The following EPHA4 variants were observed in gnomAD, a reference collection of about 807,000 sequenced individuals.
EPHA4 encodes the protein ephrin type-A receptor 4.
Under a neutral mutation model 108.3 loss-of-function variants are expected in EPHA4, and 19 were observed. The ratio of observed to expected loss-of-function variants is 0.18; its 90% CI spans 0.12 to 0.26. EPHA4 has a LOEUF of 0.26. EPHA4 is among the 10% of genes least tolerant of loss of function. EPHA4 has a pLI of 1.00. For synonymous variants in EPHA4, 449 were observed against 455.5 expected (o/e 0.99, Z 0.18); for missense variants, 917 against 1,254.0 (o/e 0.73, Z 4.06).
intron 3 of EPHA4, among the ~76,000 whole-genome samples, chr2:221,525,939 T>TA (rs1255717749): frequency 2.0e-5 from 3 of 152,006 alleles, no homozygotes; most frequent in Non-Finnish European, 4.4e-5. Flanking sequence ...ATTTTCTAGA[T>TA]AAAAAAAATT....
At chr2:221,454,087 G>C (rs1442591902) in intron 8 of EPHA4, among the ~76,000 whole-genome samples, 2 of 152,116 alleles carry the variant, frequency 1.3e-5, no homozygotes, top group Non-Finnish European at 2.9e-5. Flanking sequence ...GGGTGAGACA[G>C]GAGAATTGCT....
intron 3 of EPHA4, among the ~76,000 whole-genome samples, chr2:221,537,384 C>G (rs2680852): frequency 0.56 from 85,893 of 152,142 alleles, 24,992 homozygotes; most frequent in African/African-American, 0.7. Flanking sequence ...CCAATATTAC[C>G]CAGTATGGCT....
chr2:221,511,248 T>A (rs1692818961), intron 3 of EPHA4, among the ~76,000 whole-genome samples: 1 of 152,260 alleles, frequency 6.6e-6, no homozygotes, highest in Non-Finnish European at 1.5e-5. Context: ...TCAGAACGAC[T>A]CTGTACTTCT....
intron 3 of EPHA4, among the ~76,000 whole-genome samples, chr2:221,523,005 C>T (rs75016143): frequency 0.026 from 3,979 of 152,102 alleles, 112 homozygotes; most frequent in Admixed American, 0.072. Flanking sequence ...TCAGGTGATC[C>T]GCCTGCGTCG....
Position 221,448,004 on chromosome 2 carries a change from G to A in EPHA4, c.1716-1823C>T, listed in dbSNP as rs13411305. 4.2e-3 allele frequency among the ~76,000 whole-genome samples: 637 copies of A among 151,878 alleles called. 4 individuals are homozygous for A. Among genetic ancestry groups the A allele is most frequent in the African/African-American group, 0.014 (573 of 41,394 alleles). ...TTATAGGCACCCGCCACCCATGCTCGGCTAATTTTGTATTTTTAGTAGAGC... is the reference window on the plus strand; with the variant it reads ...TTATAGGCACCCGCCACCCATGCTCAGCTAATTTTGTATTTTTAGTAGAGC... On this transcript the variant is annotated intron_variant, in intron 8 of 17. Transcript: ENST00000281821.
At chr2:221,570,008 G>A (rs1574669142) in intron 1 of EPHA4, among the ~76,000 whole-genome samples, 1 of 101,944 alleles carries the variant, frequency 9.8e-6, no homozygotes, top group Non-Finnish European at 2.0e-5. Flanking sequence ...TCTCCCCACC[G>A]CCAACCCCCA....
At chr2:221,511,674 A>G (rs1457754966) in intron 3 of EPHA4, among the ~76,000 whole-genome samples, 1 of 152,238 alleles carries the variant, frequency 6.6e-6, no homozygotes, top group Non-Finnish European at 1.5e-5. Flanking sequence ...GAAGTTGCTA[A>G]TAGGAATTTT....
At chr2:221,515,764 C>A (rs1342094858) in intron 3 of EPHA4, among the ~76,000 whole-genome samples, 1 of 152,134 alleles carries the variant, frequency 6.6e-6, no homozygotes, top group Non-Finnish European at 1.5e-5. Context: ...CCTCAGTGAG[C>A]CGTGATTGTG....
intron 5 of EPHA4, among the ~76,000 whole-genome samples, chr2:221,473,060 A>G (rs567736894): frequency 1.6e-4 from 24 of 152,252 alleles, no homozygotes; most frequent in Admixed American, 1.2e-3. Flanking sequence ...ACATTTCCCA[A>G]TGAGGAAGCC....
Position 221,501,044 on chromosome 2 carries a change from T to C in EPHA4, c.952A>G (p.Asn318Asp), listed in dbSNP as rs1692472259. The C allele has an allele frequency of 6.2e-7, 1 of 1,612,490 alleles. No individual in the cohort carries two copies. Among genetic ancestry groups the C allele is most frequent in the African/African-American group, 1.3e-5 (1 of 74,856 alleles). The part of the protein sequence containing the change: ...TCDRGFFRAD[N>D]DAASMPCTRP... ...GTGCAGGGCATAGAGGCAGCATCGT[T>C]GTCAGCTCTGAAAAAGCCTCGGTCA... Residue 318 changes from asparagine (N) to aspartate (D), a missense_variant, in exon 4 of 18, where the codon AAC becomes GAC. Around this residue, in one of 3 missense-constraint regions of EPHA4, gnomAD observed 758 missense variants for 1,076.7 expected, o/e 0.70. Coordinates refer to ENST00000281821, the MANE Select transcript of EPHA4 (RefSeq NM_004438.5).
intron 11 of EPHA4, among the ~76,000 whole-genome samples, chr2:221,441,586 A>C (rs946553452): frequency 6.6e-6 from 1 of 152,072 alleles, no homozygotes; most frequent in African/African-American, 2.4e-5. Context: ...AGGGTGAAAA[A>C]GGCTGTCACC....
At chr2:221,524,883 A>G (rs990936891) in intron 3 of EPHA4, among the ~76,000 whole-genome samples, 44 of 152,336 alleles carry the variant, frequency 2.9e-4, no homozygotes, top group African/African-American at 8.9e-4. Flanking sequence ...GTGTTTCCCA[A>G]TTCAGAGATT....
rs540476239 is a variant in EPHA4, at chr2:221,440,608, CTT to C, written c.2074+2219_2074+2220del. 2.4e-3 allele frequency among the ~76,000 whole-genome samples: 341 copies of C among 139,690 alleles called. 3 individuals are homozygous for C. The highest frequency in any genetic ancestry group is 8.4e-3 in the African/African-American group (323 of 38,612). 91.6% of individuals were successfully genotyped at this position (139,690 alleles called of 152,430 possible). ...TTATATATCCTTCTCACCAAGGTTC[CTT>C]TTTTTTTTTTTTTGAAAGATTCTGA... On this transcript the variant is annotated intron_variant, in intron 11 of 17. Transcript: ENST00000281821.
chr2:221,528,275 A>G (rs1693404151), intron 3 of EPHA4, among the ~76,000 whole-genome samples: 1 of 152,230 alleles, frequency 6.6e-6, no homozygotes, highest in South Asian at 2.1e-4. Context: ...CAGGGTGACC[A>G]GCATAAAATA....
chr2:221,460,389 G>A (rs923910361), intron 5 of EPHA4, among the ~76,000 whole-genome samples: 2 of 152,160 alleles, frequency 1.3e-5, no homozygotes, highest in African/African-American at 4.8e-5. Flanking sequence ...CCAAGGAAAA[G>A]TAGAATACAT....
chr2:221,502,142 A>G (rs1344121303), intron 3 of EPHA4, among the ~76,000 whole-genome samples: 2 of 152,128 alleles, frequency 1.3e-5, no homozygotes, highest in African/African-American at 4.8e-5. Context: ...GTAGTGTGGA[A>G]AAACTCACTA....
rs747472806 is a variant in EPHA4, at chr2:221,436,622, G to C, written c.2137-14C>G. On this transcript the variant is annotated splice_polypyrimidine_tract_variant and intron_variant, in intron 12 of 17. Transcript: ENST00000281821. ...GCCATCATTTTTCTGCATAGAAAAG[G>C]AGTGAGGAACAATCTCATTAGCATT... 2 of 1,611,840 alleles carry C rather than the reference G, an allele frequency of 1.2e-6. No individual in the cohort carries two copies. Among genetic ancestry groups the C allele is most frequent in the Non-Finnish European group, 1.7e-6 (2 of 1,178,394 alleles).
rs1559297272 is a variant in EPHA4 at position 221,566,931 on chromosome 2, GGAGA to G, written c.159+1783_159+1786del. Among the ~76,000 whole-genome samples, 518 of 68,698 alleles carry G rather than the reference GGAGA, an allele frequency of 7.5e-3. 147 individuals are homozygous for G. Among genetic ancestry groups the G allele is most frequent in the African/African-American group, 0.028 (337 of 12,214 alleles). 45.1% of individuals were successfully genotyped at this position (68,698 alleles called of 152,430 possible). ...AGGAGAAGGAGAAGGAGAAGGAGAA[GGAGA>G]AGGAGAAGGAGAAGGAGAAGGGGAA... On this transcript the variant is annotated intron_variant, in intron 2 of 17. Coordinates refer to ENST00000281821, the MANE Select transcript of EPHA4 (RefSeq NM_004438.5).
At chr2:221,434,396 G>A in intron 13 of EPHA4, 105 bp from the exon 14 acceptor site, 1 of 1,174,324 alleles carries the variant, frequency 8.5e-7, no homozygotes, top group South Asian at 1.5e-5. Context: ...CAGCATTCTT[G>A]AGATAGCTCT....
Sources: gnomAD v4.1 joint callset for allele counts (sites outside exome capture counted in the v4.1 genomes callset) on GRCh38, gnomAD v4.1.1 for gene constraint, gnomAD v4.1.1 regional missense constraint, MANE v1.5 for transcripts, NCBI Gene and HGNC (gene_info 2026-07-23, HGNC 2026-07-21) for gene names.